Variants in FBXW8 observed in about 807,000 individuals in gnomAD.
The protein encoded by FBXW8 is F-box/WD repeat-containing protein 8.
A neutral mutation model predicts 65.3 loss-of-function variants in FBXW8; 57 were observed. The observed-to-expected ratio is 0.87, with a 90% CI of 0.71 to 1.09. The LOEUF is 1.09. FBXW8 is among the 50% of genes least tolerant of loss of function. The pLI, the probability that FBXW8 is intolerant of heterozygous loss-of-function variation, is 0.00. For synonymous variants in FBXW8, 308 were observed against 330.2 expected (o/e 0.93, Z 0.73); for missense variants, 777 against 814.8 (o/e 0.95, Z 0.57).
chr12:116,930,273 A>T (rs1315262383), intron 2 of FBXW8, among the ~76,000 whole-genome samples: 1 of 152,202 alleles, frequency 6.6e-6, no homozygotes. Flanking sequence ...GCTAATTTCC[A>T]TTCCCACTAA....
rs142445679 is a variant in FBXW8, at chr12:116,988,716, C to T, written c.1086C>T (p.Ala362=). 212 of 1,613,978 alleles carry T rather than the reference C, an allele frequency of 1.3e-4. 1 individual carries two copies. Among genetic ancestry groups the T allele is most frequent in the Middle Eastern group, 1.6e-4 (1 of 6,084 alleles). The change falls in exon 7 of 11, where the codon GCC becomes GCT. Residue 362 remains alanine (A), a synonymous_variant. Coordinates refer to ENST00000652555, the MANE Select transcript of FBXW8 (RefSeq NM_153348.3). ...PETRRYPVAV[A]AAGDLMYLLK... ...CCAGAAGGTACCCTGTGGCAGTAGC[C>T]GCTGCTGGAGATCTGATGTACCTGC...
chr12:116,914,104 C>T (rs1401894331), intron 1 of FBXW8, among the ~76,000 whole-genome samples: 1 of 152,020 alleles, frequency 6.6e-6, no homozygotes, highest in Non-Finnish European at 1.5e-5. Flanking sequence ...AACCCTGGTT[C>T]TACAAAAAAT....
chr12:116,914,945 T>C (rs1880281368), intron 1 of FBXW8, among the ~76,000 whole-genome samples: 2 of 152,236 alleles, frequency 1.3e-5, no homozygotes, highest in Admixed American at 6.5e-5. Flanking sequence ...TTATAATTCA[T>C]TGTGTGCGTA....
At chr12:116,939,572 C>G (rs1882413450) in intron 2 of FBXW8, among the ~76,000 whole-genome samples, 1 of 152,164 alleles carries the variant, frequency 6.6e-6, no homozygotes, top group Non-Finnish European at 1.5e-5. Context: ...TTTATATGAT[C>G]TCTTGATTAC....
chr12:117,019,212 G>C (rs1322703438), intron 8 of FBXW8, among the ~76,000 whole-genome samples: 1 of 152,148 alleles, frequency 6.6e-6, no homozygotes, highest in Non-Finnish European at 1.5e-5. Flanking sequence ...TGTAGCAACG[G>C]ACCTATTATG....
chr12:117,018,481 G>C (rs1031589316), intron 8 of FBXW8, among the ~76,000 whole-genome samples: 1 of 152,212 alleles, frequency 6.6e-6, no homozygotes, highest in Admixed American at 6.5e-5. Context: ...TTGCCAAGGC[G>C]CACGGCATTC....
At chr12:116,964,626 C>G (rs1440227190) in intron 4 of FBXW8, 71 bp from the exon 5 acceptor site, 5 of 1,570,516 alleles carry the variant, frequency 3.2e-6, no homozygotes, top group East Asian at 2.2e-5. Context: ...TTGTAAGGCT[C>G]TGTGCATTTT....
At chr12:116,943,156 G>A (rs10850733) in intron 2 of FBXW8, among the ~76,000 whole-genome samples, 121,322 of 152,012 alleles carry the variant, frequency 0.8, 49,456 homozygotes, top group East Asian at 0.95. Context: ...GAACATATTT[G>A]AAATAGCTGA....
intron 2 of FBXW8, among the ~76,000 whole-genome samples, chr12:116,938,036 G>C (rs987211740): frequency 6.6e-6 from 1 of 151,920 alleles, no homozygotes; most frequent in Non-Finnish European, 1.5e-5. Flanking sequence ...TTGTAAACTT[G>C]CTAGATTTCA....
chr12:117,008,679 T>C (rs1018894262), intron 7 of FBXW8, among the ~76,000 whole-genome samples: 2 of 152,260 alleles, frequency 1.3e-5, no homozygotes, highest in African/African-American at 2.4e-5. Context: ...TATTATTAAC[T>C]TCTCAATACT....
chr12:116,970,033 A>C (rs1884558100), intron 5 of FBXW8, among the ~76,000 whole-genome samples: 1 of 152,214 alleles, frequency 6.6e-6, no homozygotes, highest in African/African-American at 2.4e-5. Context: ...AAGCAGGCGA[A>C]GGTTCTGAGT....
At chr12:116,980,376 C>T (rs1380065878) in intron 5 of FBXW8, 1 of 152,156 alleles carries the variant, frequency 6.6e-6, no homozygotes, top group African/African-American at 2.4e-5. Context: ...ATGTTTAAGC[C>T]AGTTTCAGTG....
Position 117,010,511 on chromosome 12 carries a change from C to T in FBXW8, c.1367+61C>T, listed in dbSNP as rs570269622. On this transcript the variant is annotated intron_variant, in intron 8 of 10. Coordinates refer to ENST00000652555, the MANE Select transcript of FBXW8 (RefSeq NM_153348.3). ...ATGGCTTCTGCCAAGGCCCGGCCCCCACTGCGCTGCTCACACTGCCCGGTT... is the reference window on the plus strand; with the variant it reads ...ATGGCTTCTGCCAAGGCCCGGCCCCTACTGCGCTGCTCACACTGCCCGGTT... 6.2e-6 allele frequency: 10 copies of T among 1,609,794 alleles called. No homozygotes were observed. The African/African-American group carries it at 1.2e-4, about 19-fold the overall frequency.
chr12:116,967,344 G>A (rs1395617842), intron 5 of FBXW8, among the ~76,000 whole-genome samples: 1 of 152,120 alleles, frequency 6.6e-6, no homozygotes, highest in African/African-American at 2.4e-5. Flanking sequence ...TGAAAACAGT[G>A]CTGCAAGCAA....
At chr12:117,005,300 A>G (rs186266578) in intron 7 of FBXW8, among the ~76,000 whole-genome samples, 33 of 152,348 alleles carry the variant, frequency 2.2e-4, no homozygotes, top group South Asian at 1.0e-3. Flanking sequence ...GTGAGCCTCC[A>G]AACACAAATG....
At chr12:116,972,170 G>A (rs1401398211) in intron 5 of FBXW8, among the ~76,000 whole-genome samples, 1 of 152,190 alleles carries the variant, frequency 6.6e-6, no homozygotes, top group Admixed American at 6.5e-5. Flanking sequence ...TAAATTCACA[G>A]TAGCTGTTCT....
chr12:117,009,828 G>A (rs529282607), intron 7 of FBXW8, among the ~76,000 whole-genome samples: 13 of 152,184 alleles, frequency 8.5e-5, no homozygotes, highest in East Asian at 3.9e-4. Context: ...AGTTCAGTCC[G>A]AAGGAAGCAT....
intron 7 of FBXW8, among the ~76,000 whole-genome samples, chr12:116,994,989 G>A (rs1049505673): frequency 6.6e-6 from 1 of 152,200 alleles, no homozygotes; most frequent in African/African-American, 2.4e-5. Flanking sequence ...TCCCCTAGTG[G>A]TTCTTGGACG....
chr12:116,952,927 G>C (rs531848416), intron 4 of FBXW8, among the ~76,000 whole-genome samples: 31 of 152,112 alleles, frequency 2.0e-4, no homozygotes, highest in Non-Finnish European at 2.9e-4. Flanking sequence ...TAGTAGAGAT[G>C]GGGTTTCACC....
Sources: gnomAD v4.1 joint callset for allele counts (sites outside exome capture counted in the v4.1 genomes callset) on GRCh38, gnomAD v4.1.1 for gene constraint, MANE v1.5 for transcripts, NCBI Gene and HGNC (gene_info 2026-07-23, HGNC 2026-07-21) for gene names.